Variants in CYP26B1 observed in about 807,000 individuals in gnomAD.
The protein encoded by CYP26B1 is cytochrome P450 family 26 subfamily B member 1.
CYP26B1 carries 8 observed loss-of-function variants against 39.1 expected under a neutral mutation model. That is an observed-to-expected ratio of 0.20 (90% CI 0.12 to 0.37). CYP26B1 has a LOEUF of 0.37. Ranked by LOEUF, CYP26B1 falls within the 10% of genes least tolerant of loss-of-function variation. The probability of loss-of-function intolerance (pLI) is 1.00; values close to 1 mark genes in which losing one functional copy is unlikely to be tolerated. For missense variants in CYP26B1, 615 were observed against 707.0 expected, an observed-to-expected ratio of 0.87 and a Z score of 1.48; for synonymous variants, 321 against 314.3, an observed-to-expected ratio of 1.02 and a Z score of -0.23.
rs1190344881 is a variant in CYP26B1 at position 72,130,900 on chromosome 2, C to G, written c.*1327G>C. On this transcript the variant is annotated 3_prime_UTR_variant, in exon 6 of 6. Transcript: ENST00000001146. ...CAGCTCCGAGGCAGAACTGCCGCTG[C>G]GCTCACCTCCCCCACGCTTTCGCCT... 6.6e-6 allele frequency: 1 copy of G among 152,424 alleles called. No homozygotes were observed. The highest frequency in any genetic ancestry group is 1.5e-5 in the Non-Finnish European group (1 of 68,160). The allele number at this position is 152,424 out of a possible 1,614,324, so 9.4% of individuals were successfully genotyped here.
At chr2:72,144,938 G>A (rs1309187100) in intron 1 of CYP26B1, among the ~76,000 whole-genome samples, 3 of 152,220 alleles carry the variant, frequency 2.0e-5, no homozygotes, top group Non-Finnish European at 4.4e-5. Flanking sequence ...GAGGATGGCG[G>A]GGCCGGGGCC....
chr2:72,146,446 G>A lies in CYP26B1; in HGVS notation c.204+1185C>T, dbSNP rs570616622. 2.6e-5 allele frequency among the ~76,000 whole-genome samples: 4 copies of A among 152,310 alleles called. No homozygotes were observed. In the South Asian group the frequency reaches 8.3e-4, roughly 32 times the overall value. On this transcript the variant is annotated intron_variant, in intron 1 of 5. Transcript: ENST00000001146. Reference sequence around the variant, plus strand: ...CCAAAAAGAGATGGGCCTAATCCGGGACGTGGAAAGACCACAGGGCAGAGG... The same window carrying A: ...CCAAAAAGAGATGGGCCTAATCCGGAACGTGGAAAGACCACAGGGCAGAGG...
At chr2:72,141,871 C>T (rs1477712655) in intron 2 of CYP26B1, among the ~76,000 whole-genome samples, 2 of 152,146 alleles carry the variant, frequency 1.3e-5, no homozygotes, top group Non-Finnish European at 1.5e-5. Flanking sequence ...ATTTCTCATT[C>T]GACCCTCCCC....
Position 72,144,225 on chromosome 2 carries a change from A to G in CYP26B1, c.205-12T>C. Reference sequence around the variant, plus strand: ...TGGAAGCCAGAACCCTGCGGGAGCCACACCCGGGTCTCTCTCAGGGTGCAC... The same window carrying G: ...TGGAAGCCAGAACCCTGCGGGAGCCGCACCCGGGTCTCTCTCAGGGTGCAC... On this transcript the variant is annotated splice_polypyrimidine_tract_variant and intron_variant, in intron 1 of 5. Transcript: ENST00000001146. 6.3e-7 allele frequency: 1 copy of G among 1,578,676 alleles called. No homozygotes were observed. The highest frequency in any genetic ancestry group is 1.2e-5 in the South Asian group (1 of 86,056).
intron 2 of CYP26B1, among the ~76,000 whole-genome samples, chr2:72,136,863 G>A (rs1009620551): frequency 1.3e-5 from 2 of 152,182 alleles, no homozygotes; most frequent in African/African-American, 4.8e-5. Context: ...ATGAGAGGGG[G>A]CACTTCTTCT....
In CYP26B1 at chr2:72,132,000, T is replaced by G; in HGVS notation, c.*227A>C. ...ACGCCCTTCCCAGGGGCTGAGCTGATGGTAAATGGGGAGTGGCTGGAGGGA... is the reference window on the plus strand; with the variant it reads ...ACGCCCTTCCCAGGGGCTGAGCTGAGGGTAAATGGGGAGTGGCTGGAGGGA... On this transcript the variant is annotated 3_prime_UTR_variant, in exon 6 of 6. Transcript: ENST00000001146. 8.5e-6 allele frequency: 5 copies of G among 587,262 alleles called. No homozygotes were observed. The highest frequency in any genetic ancestry group is 3.0e-6 in the Non-Finnish European group (1 of 330,358). The allele number at this position is 587,262 out of a possible 1,614,324, so 36.4% of individuals were successfully genotyped here. A position where few individuals can be genotyped will look rare whatever the true frequency, so the allele number is the denominator to read the frequency against.
chr2:72,146,480 A>G (rs1572932328), intron 1 of CYP26B1, among the ~76,000 whole-genome samples: 1 of 151,294 alleles, frequency 6.6e-6, no homozygotes, highest in Admixed American at 6.6e-5. Context: ...GGAACTTCGA[A>G]CCCCCTCCCC....
chr2:72,132,620 C>A lies in CYP26B1; in HGVS notation c.1147-1G>T. 6.2e-7 allele frequency: 1 copy of A among 1,600,708 alleles called. No homozygotes were observed. Among genetic ancestry groups the A allele is most frequent in the East Asian group, 2.3e-5 (1 of 44,432 alleles). Reference sequence around the variant, plus strand: ...TCCAGCCTTTGGGGATCTGGAAACCCTGGAGCAAGATGGGGGCCGAGGAGT... The same window carrying A: ...TCCAGCCTTTGGGGATCTGGAAACCATGGAGCAAGATGGGGGCCGAGGAGT... On this transcript the variant is annotated splice_acceptor_variant, in intron 5 of 5. Coordinates refer to ENST00000001146, the MANE Select transcript of CYP26B1 (RefSeq NM_019885.4). LOFTEE classifies it high-confidence loss of function.
intron 1 of CYP26B1, among the ~76,000 whole-genome samples, chr2:72,146,745 C>A (rs879819852): frequency 1.3e-5 from 2 of 152,228 alleles, no homozygotes. Context: ...TCCGCTCCCC[C>A]ACCCCAAGAA....
intron 4 of CYP26B1, 94 bp downstream of exon 4, chr2:72,134,667 G>T: frequency 1.3e-6 from 2 of 1,530,596 alleles, no homozygotes; most frequent in East Asian, 2.4e-5. Flanking sequence ...AGACTACAGG[G>T]GGTAGAAATG....
In CYP26B1 at chr2:72,133,160, A is replaced by G. The variant is rs1370266777; in HGVS notation, c.1009T>C (p.Cys337Arg). ...AGGCGCAGTGTGCCCTCGCAGGGGC[A>G]GCCGCCACTGTGCAGGATGCCATGA... is the stretch of plus-strand genomic sequence containing the variant. The part of the protein sequence containing the change: ...RAHGILHSGG[C>R]PCEGTLRLDT... The change falls in exon 5 of 6, where the codon TGC becomes CGC. Residue 337 changes from cysteine (C) to arginine (R), a missense_variant. Transcript: ENST00000001146. 6.2e-7 allele frequency: 1 copy of G among 1,611,426 alleles called. No individual in the cohort carries two copies. The highest frequency in any genetic ancestry group is 1.7e-5 in the Admixed American group (1 of 59,994).
chr2:72,146,449 G>A (rs1188438704), intron 1 of CYP26B1, among the ~76,000 whole-genome samples: 2 of 152,178 alleles, frequency 1.3e-5, no homozygotes, highest in Non-Finnish European at 2.9e-5. Flanking sequence ...AATCCGGGAC[G>A]TGGAAAGACC....
rs769797221 is a variant in CYP26B1, at chr2:72,133,305, G to A, written c.864C>T (p.Asp288=). 20 of 1,602,874 alleles carry A rather than the reference G, an allele frequency of 1.2e-5. 1 individual carries two copies. The highest frequency in any genetic ancestry group is 3.4e-4 in the Middle Eastern group (2 of 5,936). The change falls in exon 5 of 6, where the codon GAC becomes GAT. Residue 288 remains aspartate (D), a splice_region_variant and synonymous_variant. Transcript: ENST00000001146. The part of the protein sequence containing the change: ...GKEMTMQELK[D]GTLELIFAAY... ...CCGCAAAGATCAGCTCCAGGGTCCCGTCCTGCAGGGCACAGAGGAGAGGTG... is the reference window on the plus strand; with the variant it reads ...CCGCAAAGATCAGCTCCAGGGTCCCATCCTGCAGGGCACAGAGGAGAGGTG...
intron 2 of CYP26B1, among the ~76,000 whole-genome samples, chr2:72,136,017 T>C (rs1024865357): frequency 6.6e-6 from 1 of 152,180 alleles, no homozygotes; most frequent in Non-Finnish European, 1.5e-5. Flanking sequence ...AGGGCCACTG[T>C]ACGCAGCCAG....
intron 3 of CYP26B1, 70 bp from the exon 4 acceptor site, chr2:72,134,986 C>T (rs1003898693): frequency 5.7e-5 from 92 of 1,604,870 alleles, no homozygotes; most frequent in African/African-American, 6.7e-5. Flanking sequence ...CCACCAGGGA[C>T]GACTCCAGCC....
rs889219257 is a variant in CYP26B1 at position 72,132,144 on chromosome 2, C to T, written c.*83G>A. 69 of 1,481,358 alleles carry T rather than the reference C, an allele frequency of 4.7e-5. No individual in the cohort carries two copies. The African/African-American group carries it at 5.0e-4, about 11-fold the overall frequency. 91.8% of individuals were successfully genotyped at this position (1,481,358 alleles called of 1,614,324 possible). ...TGGGGGCCACTCGCCCTCCCCGTTC[C>T]GGCCCCCTCCCACACACAGGTTTCT... is the stretch of plus-strand genomic sequence containing the variant. On this transcript the variant is annotated 3_prime_UTR_variant, in exon 6 of 6. Coordinates refer to ENST00000001146, the MANE Select transcript of CYP26B1 (RefSeq NM_019885.4).
rs924427311 is a variant in CYP26B1, at chr2:72,135,311, T to C, written c.538A>G (p.Asn180Asp). 2 of 1,613,948 alleles carry C rather than the reference T, an allele frequency of 1.2e-6. No homozygotes were observed. Among genetic ancestry groups the C allele is most frequent in the South Asian group, 2.2e-5 (2 of 91,090 alleles). The change falls in exon 3 of 6, where the codon AAC becomes GAC. Residue 180 changes from asparagine (N) to aspartate (D), a missense_variant. Coordinates refer to ENST00000001146, the MANE Select transcript of CYP26B1 (RefSeq NM_019885.4). The stretch of plus-strand genomic sequence containing the variant: ...AGCTTCTGCGCCTCCTGGTACACGT[T>C]GATGGCCTCGGGGTGGCTGCTCCAG... ...RAWSSHPEAINVYQEAQKLTF... is the reference protein window; with the variant it reads ...RAWSSHPEAIDVYQEAQKLTF...
rs184289105 is a variant in CYP26B1, at chr2:72,129,938, C to A, written c.*2289G>T. The A allele has an allele frequency of 5.3e-5, 8 of 152,336 alleles. No individual in the cohort carries two copies. The highest frequency in any genetic ancestry group is 1.3e-4 in the Admixed American group (2 of 15,304). 9.4% of individuals were successfully genotyped at this position (152,336 alleles called of 1,614,324 possible). ...CAGCCAGCCAGAGCTTTCTTCAGCTCTCTTCTCACTGCCTTTGAGACCCAG... is the reference window on the plus strand; with the variant it reads ...CAGCCAGCCAGAGCTTTCTTCAGCTATCTTCTCACTGCCTTTGAGACCCAG... On this transcript the variant is annotated 3_prime_UTR_variant, in exon 6 of 6. Coordinates refer to ENST00000001146, the MANE Select transcript of CYP26B1 (RefSeq NM_019885.4).
chr2:72,144,227 A>C lies in CYP26B1; in HGVS notation c.205-14T>G. 6.3e-7 allele frequency: 1 copy of C among 1,577,064 alleles called. No individual in the cohort carries two copies. The highest frequency in any genetic ancestry group is 8.7e-7 in the Non-Finnish European group (1 of 1,155,586). On this transcript the variant is annotated splice_polypyrimidine_tract_variant and intron_variant, in intron 1 of 5. Transcript: ENST00000001146. ...GAAGCCAGAACCCTGCGGGAGCCAC[A>C]CCCGGGTCTCTCTCAGGGTGCACTT... is the stretch of plus-strand genomic sequence containing the variant.
Sources: allele counts gnomAD v4.1 joint callset (sites outside exome capture counted in the v4.1 genomes callset), GRCh38; gene constraint gnomAD v4.1.1; transcripts MANE v1.5; gene names NCBI Gene and HGNC (gene_info 2026-07-23, HGNC 2026-07-21).